The following TBC1D21 variants were observed in gnomAD, a reference collection of about 807,000 sequenced individuals.
TBC1D21 encodes the protein male germ cell Rab GTPase-activating protein.
TBC1D21 carries 38 observed loss-of-function variants against 46.0 expected under a neutral mutation model. The ratio of observed to expected loss-of-function variants is 0.83; its 90% CI spans 0.64 to 1.08. The LOEUF is 1.08. Among genes scored for constraint, TBC1D21 ranks in the 50% least tolerant of loss-of-function variants. TBC1D21 has a pLI of 0.00. For synonymous variants in TBC1D21, 151 were observed against 157.2 expected (o/e 0.96, Z 0.29); for missense variants, 415 against 417.9 (o/e 0.99, Z 0.06).
Position 73,873,737 on chromosome 15 carries a change from C to T in TBC1D21, c.28C>T (p.Leu10Phe), listed in dbSNP as rs1436071751. MTTLSPENS[L>F]SARQSASFIL... ...GACCACCCTCTCTCCTGAAAACAGC[C>T]TCTCTGCCAGACAGTCAGCCTCCTT... Residue 10 changes from leucine to phenylalanine, a missense_variant, in exon 1 of 11, where the codon CTC (leucine) becomes TTC (phenylalanine). Physicochemically the swap from Leu to Phe is conservative, Grantham distance 22 (BLOSUM62 0). Transcript: ENST00000300504. The T allele has an allele frequency of 6.2e-7, 1 of 1,609,794 alleles. No individual in the cohort carries two copies. Among genetic ancestry groups the T allele is most frequent in the South Asian group, 1.1e-5 (1 of 90,074 alleles).
In TBC1D21 at chr15:73,884,842, G is replaced by T; in HGVS notation, c.429G>T (p.Lys143Asn). Reference sequence around the variant, plus strand: ...TGGGCAACGTCCTCATCGACAAGAAGAGGCTAGAGAAGATCCTGCTCCTGA... The same window carrying T: ...TGGGCAACGTCCTCATCGACAAGAATAGGCTAGAGAAGATCCTGCTCCTGA... ...DPLGNVLIDKKRLEKILLLSY... is the reference protein window; with the variant it reads ...DPLGNVLIDKNRLEKILLLSY... Residue 143 changes from lysine to asparagine, a missense_variant, in exon 5 of 11, where the codon AAG becomes AAT. By Grantham distance (94) the Lys-to-Asn change is moderately conservative. Coordinates refer to ENST00000300504, the MANE Select transcript of TBC1D21 (RefSeq NM_153356.3). 6.2e-7 allele frequency: 1 copy of T among 1,614,126 alleles called. No homozygotes were observed. Among genetic ancestry groups the T allele is most frequent in the Non-Finnish European group, 8.5e-7 (1 of 1,180,008 alleles).
At chr15:73,875,383 A>T (rs1415413063) in intron 1 of TBC1D21, among the ~76,000 whole-genome samples, 1 of 152,124 alleles carries the variant, frequency 6.6e-6, no homozygotes, top group Admixed American at 6.5e-5. Context: ...CCTGGGCTTT[A>T]TTGGAGGTTC....
the TBC1D21 span, among the ~76,000 whole-genome samples, chr15:73,909,448 T>G: frequency 6.6e-6 from 1 of 152,150 alleles, no homozygotes; most frequent in Non-Finnish European, 1.5e-5. Context: ...GCATTACTGT[T>G]GTGGTGGTTG....
At chr15:73,880,183 CT>C (rs2068128984) in intron 1 of TBC1D21, among the ~76,000 whole-genome samples, 2 of 152,116 alleles carry the variant, frequency 1.3e-5, no homozygotes, top group Non-Finnish European at 2.9e-5. Flanking sequence ...GCATGAGCCA[CT>C]GCACCTGACC....
chr15:73,881,034 G>T (rs963317965), intron 1 of TBC1D21, among the ~76,000 whole-genome samples: 1 of 152,080 alleles, frequency 6.6e-6, no homozygotes, highest in African/African-American at 2.4e-5. Context: ...ATACAATTCT[G>T]TATTCTGCTT....
chr15:73,879,231 G>C (rs1161952944), intron 1 of TBC1D21, among the ~76,000 whole-genome samples: 1 of 152,138 alleles, frequency 6.6e-6, no homozygotes, highest in Admixed American at 6.5e-5. Flanking sequence ...TATTTGAGAA[G>C]GAGCCTTGCT....
At chr15:73,892,605 C>A (rs1055251186), downstream of TBC1D21, among the ~76,000 whole-genome samples, 1 of 152,272 alleles carries the variant, frequency 6.6e-6, no homozygotes, top group Admixed American at 6.5e-5. Context: ...GCCCCTCCCA[C>A]CACAGCTGGC....
chr15:73,897,826 TG>T, the TBC1D21 span, among the ~76,000 whole-genome samples: 1 of 152,196 alleles, frequency 6.6e-6, no homozygotes, highest in African/African-American at 2.4e-5. Flanking sequence ...GCAAATTTGA[TG>T]GGGAAGGAGC....
At chr15:73,884,327 G>A in intron 4 of TBC1D21, 82 bp downstream of exon 4, 4 of 1,293,856 alleles carry the variant, frequency 3.1e-6, no homozygotes, top group Admixed American at 1.7e-5. Flanking sequence ...CTTCCAGGGA[G>A]GGATGGCTCC....
chr15:73,884,303 C>A, intron 4 of TBC1D21, 58 bp downstream of exon 4: 1 of 1,484,846 alleles, frequency 6.7e-7, no homozygotes, highest in Non-Finnish European at 9.4e-7. Context: ...CCAACCCTGC[C>A]CCCTTCTCAG....
chr15:73,907,911 TG>T, the TBC1D21 span, among the ~76,000 whole-genome samples: 1 of 152,180 alleles, frequency 6.6e-6, no homozygotes, highest in East Asian at 1.9e-4. Flanking sequence ...GGAGCCTAGA[TG>T]GAAAGCTTCT....
At position 73,889,140 on chromosome 15, in the gene TBC1D21, G is replaced by T; in HGVS notation, c.*39G>T. ...CGCAGTGGACTGATGCCTTCGATGG[G>T]CAGGATGAAGGCCAGGGGCACTGGA... On this transcript the variant is annotated 3_prime_UTR_variant, in exon 11 of 11. Coordinates refer to ENST00000300504, the MANE Select transcript of TBC1D21 (RefSeq NM_153356.3). 1 of 1,606,374 alleles carries T rather than the reference G, an allele frequency of 6.2e-7. No homozygotes were observed. Among genetic ancestry groups the T allele is most frequent in the Non-Finnish European group, 8.5e-7 (1 of 1,175,668 alleles).
rs550196768 is a variant in TBC1D21, at chr15:73,887,716, G to A, written c.874G>A (p.Gly292Ser). The A allele has an allele frequency of 6.2e-7, 1 of 1,613,728 alleles. No individual in the cohort carries two copies. The highest frequency in any genetic ancestry group is 2.2e-5 in the East Asian group (1 of 44,878). ...GGAGCAGGTGCTGCAGGAAAGCATG[G>A]GCGGGGATGACATCCTCCTGGTGAG... ...VREQVLQESM[G>S]GDDILLACNN... Residue 292 changes from glycine (G) to serine (S), a missense_variant, in exon 9 of 11, where the codon GGC (glycine) becomes AGC (serine). Gly to Ser is a moderately conservative substitution (Grantham distance 56). Coordinates refer to ENST00000300504, the MANE Select transcript of TBC1D21 (RefSeq NM_153356.3).
chr15:73,899,100 A>G, the TBC1D21 span, among the ~76,000 whole-genome samples: 2 of 152,040 alleles, frequency 1.3e-5, no homozygotes, highest in South Asian at 4.2e-4. Context: ...CTCCCATATT[A>G]GACTTCACTA....
At chr15:73,894,623 A>C in the TBC1D21 span, among the ~76,000 whole-genome samples, 1 of 152,146 alleles carries the variant, frequency 6.6e-6, no homozygotes, top group African/African-American at 2.4e-5. Flanking sequence ...GCATGGAAGC[A>C]GCAGCAGCAA....
intron 1 of TBC1D21, among the ~76,000 whole-genome samples, chr15:73,877,554 A>ACACG (rs1652651513): frequency 3.2e-5 from 1 of 31,416 alleles, no homozygotes; most frequent in Non-Finnish European, 8.1e-5. Context: ...AAAAAAAGAA[A>ACACG]TCCCTACTCA....
intron 1 of TBC1D21, among the ~76,000 whole-genome samples, chr15:73,876,221 TTTTTTTTTTTTTTTTTTTTTTTTTG>T (rs2068061976): frequency 2.7e-5 from 1 of 36,386 alleles, no homozygotes; most frequent in African/African-American, 1.8e-4. Flanking sequence ...TTTTTTTTTT[TTTTTTTTTTTTTTTTTTTTTTTTTG>T]AGACGGAGTC....
At chr15:73,881,899 T>C in intron 3 of TBC1D21, 152 bp downstream of exon 3, 1 of 683,320 alleles carries the variant, frequency 1.5e-6, no homozygotes, top group Non-Finnish European at 2.5e-6. Flanking sequence ...ACACAGGAGG[T>C]GCGGCCAGTT....
intron 10 of TBC1D21, 72 bp downstream of exon 10, chr15:73,888,585 C>CTCCTCCTCCTCCTCCTCT: frequency 5.4e-6 from 3 of 558,572 alleles, no homozygotes; most frequent in Non-Finnish European, 9.2e-6. Flanking sequence ...CCTCCTCTTC[C>CTCCTCCTCCTCCTCCTCT]TCCTCCTCCT....
Sources: gnomAD v4.1 joint callset for allele counts (sites outside exome capture counted in the v4.1 genomes callset) on GRCh38, gnomAD v4.1.1 for gene constraint, MANE v1.5 for transcripts, NCBI Gene and HGNC (gene_info 2026-07-23, HGNC 2026-07-21) for gene names.